Variants in LARS1 observed in about 807,000 individuals in gnomAD.
LARS1 encodes leucyl-tRNA synthetase 1, also known as leucine--tRNA ligase, cytoplasmic.
LARS1 carries 100 observed loss-of-function variants against 162.8 expected under a neutral mutation model. That is an observed-to-expected ratio of 0.61 (90% CI 0.52 to 0.73). LARS1 has a LOEUF of 0.73. Ranked by LOEUF, LARS1 falls within the 30% of genes least tolerant of loss-of-function variation. The pLI is 0.00. For synonymous variants in LARS1, 457 were observed against 462.8 expected (o/e 0.99, Z 0.16); for missense variants, 1,258 against 1,408.9 (o/e 0.89, Z 1.71).
At chr5:146,115,227 T>A (rs184759811) in intron 31 of LARS1, among the ~76,000 whole-genome samples, 1 of 152,152 alleles carries the variant, frequency 6.6e-6, no homozygotes, top group Admixed American at 6.5e-5. Context: ...GTCTCTCAAA[T>A]CATTTTTATA....
chr5:146,181,866 T>C (rs979996572), intron 1 of LARS1, among the ~76,000 whole-genome samples: 3 of 139,372 alleles, frequency 2.2e-5, no homozygotes, highest in Admixed American at 7.4e-5. Context: ...TTTTTTTTTT[T>C]TTTTTTTTTT....
chr5:146,177,317 T>C (rs1754630791), intron 2 of LARS1, among the ~76,000 whole-genome samples: 2 of 151,258 alleles, frequency 1.3e-5, no homozygotes, highest in African/African-American at 4.9e-5. Context: ...ATACAAAAAA[T>C]TAGCTGGGCA....
intron 17 of LARS1, 33 bp downstream of exon 17, chr5:146,144,438 CT>C: frequency 6.2e-7 from 1 of 1,603,532 alleles, no homozygotes; most frequent in Non-Finnish European, 8.5e-7. Context: ...TTTTCATCTC[CT>C]TTTTCCTCCT....
chr5:146,162,587 G>C (rs1483312401), intron 6 of LARS1, among the ~76,000 whole-genome samples: 1 of 152,154 alleles, frequency 6.6e-6, no homozygotes, highest in Admixed American at 6.5e-5. Context: ...AATGGTAAAT[G>C]AGCACTAGTT....
At chr5:146,153,028 G>A in intron 13 of LARS1, 146 bp downstream of exon 13, 1 of 557,892 alleles carries the variant, frequency 1.8e-6, no homozygotes. Flanking sequence ...ACCATAGCAG[G>A]TATCAAATTA....
chr5:146,133,936 T>A (rs926192543), intron 22 of LARS1, among the ~76,000 whole-genome samples: 1 of 152,140 alleles, frequency 6.6e-6, no homozygotes, highest in Non-Finnish European at 1.5e-5. Flanking sequence ...CCTCCGCCTC[T>A]TGGATTCAAG....
chr5:146,137,343 C>CT (rs34662124), intron 21 of LARS1, among the ~76,000 whole-genome samples: 5 of 149,990 alleles, frequency 3.3e-5, no homozygotes, highest in Admixed American at 6.6e-5. Context: ...TAATTTTGTA[C>CT]TTTTTTTTTT....
At chr5:146,147,721 A>C (rs1753077415) in intron 15 of LARS1, among the ~76,000 whole-genome samples, 1 of 152,170 alleles carries the variant, frequency 6.6e-6, no homozygotes, top group Non-Finnish European at 1.5e-5. Context: ...AGGAATTCAA[A>C]AAGTGAAAAT....
At chr5:146,168,584 T>G (rs1012702943) in intron 4 of LARS1, among the ~76,000 whole-genome samples, 2 of 151,614 alleles carry the variant, frequency 1.3e-5, no homozygotes, top group Non-Finnish European at 2.9e-5. Flanking sequence ...ACTTGGGAGG[T>G]TGAGGTGACA....
chr5:146,157,301 C>T, intron 10 of LARS1, 102 bp downstream of exon 10: 1 of 979,054 alleles, frequency 1.0e-6, no homozygotes, highest in African/African-American at 1.6e-5. Context: ...ACTGCATGTA[C>T]ACCTCATTTT....
At chr5:146,165,264 C>T (rs1033478276) in intron 5 of LARS1, among the ~76,000 whole-genome samples, 3 of 152,024 alleles carry the variant, frequency 2.0e-5, no homozygotes, top group Admixed American at 1.3e-4. Flanking sequence ...AACCGGGAGG[C>T]GGAGGTTGCA....
chr5:146,131,495 T>TTG (rs1561802985), intron 23 of LARS1: 3 of 143,820 alleles, frequency 2.1e-5, no homozygotes, highest in Admixed American at 7.1e-5. Context: ...AGTTTTTTTT[T>TTG]TTTTTTTTTT....
chr5:146,154,188 CAG>C (rs1753419549), intron 10 of LARS1, among the ~76,000 whole-genome samples: 1 of 151,332 alleles, frequency 6.6e-6, no homozygotes, highest in Non-Finnish European at 1.5e-5. Context: ...TTTTAAGAGA[CAG>C]AGCCTTGCTA....
chr5:146,146,973 A>C (rs932317832), intron 15 of LARS1, among the ~76,000 whole-genome samples: 2 of 151,950 alleles, frequency 1.3e-5, no homozygotes, highest in African/African-American at 4.8e-5. Flanking sequence ...CAGCCTCCCA[A>C]AGTACTGGGA....
At chr5:146,142,303 C>T (rs66538287) in intron 20 of LARS1, among the ~76,000 whole-genome samples, 33,872 of 152,138 alleles carry the variant, frequency 0.22, 4,832 homozygotes, top group Admixed American at 0.34. Flanking sequence ...TTCCTCTACT[C>T]CAAAATCTTC....
intron 15 of LARS1, among the ~76,000 whole-genome samples, chr5:146,146,339 GAAA>G (rs70998058): frequency 1.1e-5 from 1 of 90,432 alleles, no homozygotes. Flanking sequence ...GCAAAACTCC[GAAA>G]AAAAAAAAAA....
intron 31 of LARS1, among the ~76,000 whole-genome samples, chr5:146,117,677 C>T (rs1751617111): frequency 1.3e-5 from 2 of 152,224 alleles, no homozygotes; most frequent in South Asian, 4.1e-4. Flanking sequence ...TTAAAAGCCA[C>T]TATCATGCTC....
chr5:146,164,552 A>C (rs886656500), intron 5 of LARS1, 81 bp from the exon 6 acceptor site: 2 of 1,340,946 alleles, frequency 1.5e-6, no homozygotes, highest in African/African-American at 2.9e-5. Flanking sequence ...TAATGAATGT[A>C]ATTTTTTTAC....
rs1337756746 is a variant in LARS1, at chr5:146,130,122, C to T, written c.2524G>A (p.Gly842Arg). The T allele has an allele frequency of 6.2e-7, 1 of 1,613,836 alleles. No homozygotes were observed. Among genetic ancestry groups the T allele is most frequent in the Non-Finnish European group, 8.5e-7 (1 of 1,179,778 alleles). Residue 842 changes from glycine to arginine, a missense_variant, in exon 25 of 32, where the codon GGG (glycine) becomes AGG (arginine). Transcript: ENST00000394434. ...KDKYRELAVEGMHRELVFRFI... is the reference protein window; with the variant it reads ...KDKYRELAVERMHRELVFRFI... ...CGGAACACAAGTTCTCTGTGCATCC[C>T]TTCCACAGCCAATTCACGGTACTTA... is the stretch of plus-strand genomic sequence containing the variant.
Sources: gnomAD v4.1 joint callset for allele counts (sites outside exome capture counted in the v4.1 genomes callset) on GRCh38, gnomAD v4.1.1 for gene constraint, MANE v1.5 for transcripts, NCBI Gene and HGNC (gene_info 2026-07-23, HGNC 2026-07-21) for gene names.